Variants in ANKH observed in about 807,000 individuals in gnomAD.
ANKH encodes the protein mineralization regulator ANKH.
A neutral mutation model predicts 49.0 loss-of-function variants in ANKH; 15 were observed. The ratio of observed to expected loss-of-function variants is 0.31; its 90% CI spans 0.20 to 0.47. The LOEUF (loss-of-function observed/expected upper bound fraction) is 0.47. Ranked by LOEUF, ANKH falls within the 20% of genes least tolerant of loss-of-function variation. ANKH has a pLI of 1.00. For synonymous variants in ANKH, 273 were observed against 260.0 expected, an observed-to-expected ratio of 1.05 and a Z score of -0.48; for missense variants, 429 against 652.0, an observed-to-expected ratio of 0.66 and a Z score of 3.72.
Position 14,705,032 on chromosome 5 carries a change from A to C in ANKH, c.*6165T>G, listed in dbSNP as rs1736896430. Reference sequence around the variant, plus strand: ...TAATCAAAAACTACACAAATATTTTATTTGTATTTTAGAGACGGGGTTTTG... The same window carrying C: ...TAATCAAAAACTACACAAATATTTTCTTTGTATTTTAGAGACGGGGTTTTG... On this transcript the variant is annotated 3_prime_UTR_variant, in exon 12 of 12. Coordinates refer to ENST00000284268, the MANE Select transcript of ANKH (RefSeq NM_054027.6). 1 of 152,146 alleles carries C rather than the reference A, an allele frequency of 6.6e-6. No homozygotes were observed. The highest frequency in any genetic ancestry group is 6.5e-5 in the Admixed American group (1 of 15,272). 9.4% of individuals were successfully genotyped at this position (152,146 alleles called of 1,614,324 possible).
chr5:14,831,208 T>C (rs1741496268), intron 1 of ANKH, among the ~76,000 whole-genome samples: 2 of 152,016 alleles, frequency 1.3e-5, no homozygotes, highest in South Asian at 2.1e-4. Flanking sequence ...ATGAAGGGTG[T>C]GAAAACTTCA....
At chr5:14,758,232 G>A (rs928628597) in intron 3 of ANKH, among the ~76,000 whole-genome samples, 1 of 152,212 alleles carries the variant, frequency 6.6e-6, no homozygotes, top group African/African-American at 2.4e-5. Flanking sequence ...CCAATTTGTA[G>A]AGTTACAAAG....
intron 1 of ANKH, among the ~76,000 whole-genome samples, chr5:14,847,411 T>C (rs1741995758): frequency 6.6e-6 from 1 of 152,114 alleles, no homozygotes; most frequent in African/African-American, 2.4e-5. Flanking sequence ...GGGAGAAAGG[T>C]TCCACTCGGA....
At chr5:14,712,779 C>T (rs756885626) in intron 11 of ANKH, 95 bp downstream of exon 11, 29 of 1,267,328 alleles carry the variant, frequency 2.3e-5, no homozygotes, top group African/African-American at 1.8e-4. Context: ...CCCCCACTGA[C>T]GAACGCCACC....
At position 14,758,942 on chromosome 5, in the gene ANKH, T is replaced by C. The variant is rs191241596; in HGVS notation, c.314-344A>G. On this transcript the variant is annotated intron_variant, in intron 2 of 11. Coordinates refer to ENST00000284268, the MANE Select transcript of ANKH (RefSeq NM_054027.6). ...AATTCCCTTCAATGAACTGAATTTC[T>C]TTTTGAGAGTTTGCTTGGTATCAGC... Among the ~76,000 whole-genome samples, 66 of 152,354 alleles carry C rather than the reference T, an allele frequency of 4.3e-4. No individual in the cohort carries two copies. In the East Asian group the frequency reaches 8.3e-3, roughly 19 times the overall value.
chr5:14,758,630 A>G (rs1337883051), intron 2 of ANKH, 32 bp from the exon 3 acceptor site: 1 of 1,382,188 alleles, frequency 7.2e-7, no homozygotes, highest in Non-Finnish European at 1.0e-6. Flanking sequence ...ATGTGGAAAT[A>G]TTTAGAAAAG....
At chr5:14,827,741 T>A (rs1741385028) in intron 1 of ANKH, among the ~76,000 whole-genome samples, 1 of 142,014 alleles carries the variant, frequency 7.0e-6, no homozygotes, top group African/African-American at 2.6e-5. Flanking sequence ...AAAACTGTTG[T>A]CCTAAGACCT....
Position 14,712,984 on chromosome 5 carries a change from G to A in ANKH, c.1266-11C>T. 6.2e-7 allele frequency: 1 copy of A among 1,609,432 alleles called. No individual in the cohort carries two copies. The highest frequency in any genetic ancestry group is 1.1e-5 in the South Asian group (1 of 89,916). The stretch of plus-strand genomic sequence containing the variant: ...GTCGCACCGTGCACCCTGCAGATGA[G>A]AACACAAAGGCAATTTGTCTGTTAA... On this transcript the variant is annotated splice_polypyrimidine_tract_variant and intron_variant, in intron 10 of 11. Transcript: ENST00000284268.
intron 1 of ANKH, chr5:14,797,943 T>G (rs2045830784): frequency 6.3e-7 from 1 of 1,583,142 alleles, no homozygotes; most frequent in Admixed American, 1.7e-5. Context: ...TTTTGTATAG[T>G]CAAAGACAAG....
intron 2 of ANKH, among the ~76,000 whole-genome samples, chr5:14,765,808 G>T (rs1330117046): frequency 6.6e-6 from 1 of 152,164 alleles, no homozygotes; most frequent in Admixed American, 6.5e-5. Flanking sequence ...GCACAGAGGG[G>T]ACACTGCGTT....
At chr5:14,743,834 C>T (rs1450368289) in intron 7 of ANKH, among the ~76,000 whole-genome samples, 1 of 152,172 alleles carries the variant, frequency 6.6e-6, no homozygotes, top group Non-Finnish European at 1.5e-5. Context: ...AGCTCCTAGC[C>T]TCTGTGATCA....
At chr5:14,809,348 A>AAG (rs1287157283) in intron 1 of ANKH, among the ~76,000 whole-genome samples, 5 of 147,442 alleles carry the variant, frequency 3.4e-5, no homozygotes, top group African/African-American at 1.2e-4. Context: ...AAAAAAAAAA[A>AAG]AAAAAAAAAG....
chr5:14,783,748 T>C (rs886551720), intron 1 of ANKH, among the ~76,000 whole-genome samples: 1 of 152,222 alleles, frequency 6.6e-6, no homozygotes, highest in Non-Finnish European at 1.5e-5. Context: ...AGCTAGAGAA[T>C]AACGTGAATA....
chr5:14,710,783 T>C lies in ANKH; in HGVS notation c.*414A>G, dbSNP rs2126390792. The C allele has an allele frequency of 4.5e-6, 1 of 220,116 alleles. No individual in the cohort carries two copies. Among genetic ancestry groups the C allele is most frequent in the Non-Finnish European group, 9.3e-6 (1 of 107,930 alleles). The allele number at this position is 220,116 out of a possible 1,614,324, so 13.6% of individuals were successfully genotyped here. ...GGAAGCCGAGTTTTAACCTGTTGAT[T>C]CTTAAGAGCGATGAAGGGGGACAGG... On this transcript the variant is annotated 3_prime_UTR_variant, in exon 12 of 12. Transcript: ENST00000284268.
At chr5:14,810,338 T>C (rs371708801) in intron 1 of ANKH, among the ~76,000 whole-genome samples, 32 of 152,136 alleles carry the variant, frequency 2.1e-4, no homozygotes, top group African/African-American at 7.2e-4. Context: ...TCTGTATTTT[T>C]AGTAGAGGCG....
chr5:14,712,004 T>C (rs1737231612), intron 11 of ANKH, among the ~76,000 whole-genome samples: 1 of 152,244 alleles, frequency 6.6e-6, no homozygotes, highest in Non-Finnish European at 1.5e-5. Flanking sequence ...GGCCACCTTT[T>C]CGATGTCCTG....
chr5:14,779,980 T>C (rs1739756332), intron 1 of ANKH, among the ~76,000 whole-genome samples: 1 of 152,104 alleles, frequency 6.6e-6, no homozygotes, highest in Non-Finnish European at 1.5e-5. Flanking sequence ...TGTTCCATTA[T>C]GGAGTCAAAT....
chr5:14,755,718 G>T, intron 4 of ANKH, 143 bp downstream of exon 4: 1 of 722,334 alleles, frequency 1.4e-6, no homozygotes, highest in Non-Finnish European at 2.5e-6. Flanking sequence ...ATTTATTGAG[G>T]TCTCTATGTG....
chr5:14,829,670 G>A (rs1741449025), intron 1 of ANKH, among the ~76,000 whole-genome samples: 1 of 152,116 alleles, frequency 6.6e-6, no homozygotes. Context: ...AGTGTCTTAA[G>A]AATCAGTCTT....
Sources: gnomAD v4.1 joint callset for allele counts (sites outside exome capture counted in the v4.1 genomes callset) on GRCh38, gnomAD v4.1.1 for gene constraint, MANE v1.5 for transcripts, NCBI Gene and HGNC (gene_info 2026-07-23, HGNC 2026-07-21) for gene names.